TRAPPC2: variants seen among roughly 807,000 people sequenced by gnomAD.
TRAPPC2 encodes the protein sedlin.
A neutral mutation model predicts 10.0 loss-of-function variants in TRAPPC2; 4 were observed. The observed-to-expected ratio is 0.40, with a 90% CI of 0.20 to 0.92. The LOEUF (loss-of-function observed/expected upper bound fraction) is 0.92. TRAPPC2 is among the 40% of genes least tolerant of loss of function. The pLI, the probability that TRAPPC2 is intolerant of heterozygous loss-of-function variation, is 0.35. For missense variants in TRAPPC2, 52 were observed against 108.7 expected (o/e 0.48, Z 2.32); for synonymous variants, 36 against 37.3 (o/e 0.97, Z 0.12).
intron 4 of TRAPPC2, 179 bp downstream of exon 4, chrX:13,716,355 G>C: frequency 1.7e-6 from 1 of 592,627 alleles, no homozygotes; most frequent in Non-Finnish European, 2.6e-6. Flanking sequence ...TTTAAAATTA[G>C]CTATTAAACA....
At chrX:13,729,170 G>A (rs1324701672) in intron 2 of TRAPPC2, among the ~76,000 whole-genome samples, 3 of 111,598 alleles carry the variant, frequency 2.7e-5, no homozygotes, top group South Asian at 7.5e-4. Context: ...TGGCCATACT[G>A]CCCAAGGGTA....
intron 2 of TRAPPC2, among the ~76,000 whole-genome samples, chrX:13,723,599 C>T (rs187431834): frequency 8.9e-6 from 1 of 112,208 alleles, no homozygotes; most frequent in East Asian, 2.8e-4. Flanking sequence ...CCTGCGTTGA[C>T]ATGACTGTGT....
chrX:13,729,300 C>T (rs1451037277), intron 2 of TRAPPC2, among the ~76,000 whole-genome samples: 1 of 111,899 alleles, frequency 8.9e-6, no homozygotes, highest in Non-Finnish European at 1.9e-5. Context: ...AGACAATCCT[C>T]AGCCAAAAGA....
chrX:13,715,825 C>T (rs2046274462), intron 5 of TRAPPC2, 179 bp downstream of exon 5: 4 of 969,482 alleles, frequency 4.1e-6, no homozygotes, highest in South Asian at 6.1e-5. Flanking sequence ...TTCCTAAATA[C>T]ATATTCACCT....
chrX:13,716,489 A>T, intron 4 of TRAPPC2, 45 bp downstream of exon 4: 1 of 1,202,326 alleles, frequency 8.3e-7, no homozygotes, highest in South Asian at 1.8e-5. Context: ...CTGGTTTGTG[A>T]GCCCAAACTT....
At chrX:13,730,749 G>A (rs2046657790) in intron 2 of TRAPPC2, among the ~76,000 whole-genome samples, 1 of 111,297 alleles carries the variant, frequency 9.0e-6, no homozygotes, top group South Asian at 3.8e-4. Flanking sequence ...AAAAAAGGAT[G>A]AGTTCATGTC....
At chrX:13,717,034 TAAAA>T (rs1175025577) in intron 3 of TRAPPC2, among the ~76,000 whole-genome samples, 7,594 of 37,209 alleles carry the variant, frequency 0.2, 159 homozygotes, top group Admixed American at 0.32. Flanking sequence ...GATACTATGT[TAAAA>T]AAAAAAAAAA....
rs374786415 is a variant in TRAPPC2 at position 13,724,355 on chromosome X, A to G, written c.-19-4373T>C. Among the ~76,000 whole-genome samples the G allele has an allele frequency of 2.8e-5, 3 of 107,829 alleles. No homozygotes were observed. The East Asian group carries it at 8.7e-4, about 31-fold the overall frequency. 93.6% of individuals were successfully genotyped at this position (107,829 alleles called of 115,157 possible). On this transcript the variant is annotated intron_variant, in intron 2 of 5. Coordinates refer to ENST00000380579, the MANE Select transcript of TRAPPC2 (RefSeq NM_001011658.4). Reference sequence around the variant, plus strand: ...ACCAGAAATCAGTGAGGCTAGCATCAGAAGGGCAAAGGCCTACAATGAGTT... The same window carrying G: ...ACCAGAAATCAGTGAGGCTAGCATCGGAAGGGCAAAGGCCTACAATGAGTT...
intron 2 of TRAPPC2, among the ~76,000 whole-genome samples, chrX:13,724,618 G>A (rs927560320): frequency 7.2e-5 from 8 of 111,705 alleles, no homozygotes; most frequent in African/African-American, 2.6e-4. Flanking sequence ...TTAAGAAAAC[G>A]TCTAGGGATC....
intron 2 of TRAPPC2, among the ~76,000 whole-genome samples, chrX:13,730,756 T>C (rs1255144583): frequency 9.0e-6 from 1 of 111,325 alleles, no homozygotes; most frequent in Non-Finnish European, 1.9e-5. Flanking sequence ...GATGAGTTCA[T>C]GTCCTTTGTA....
rs187820921 is a variant in TRAPPC2 at position 13,733,595 on chromosome X, G to A, written c.-20+449C>T. Among the ~76,000 whole-genome samples, 502 of 111,765 alleles carry A rather than the reference G, an allele frequency of 4.5e-3. 5 individuals carry two copies. The highest frequency in any genetic ancestry group is 5.9e-3 in the Non-Finnish European group (316 of 53,203). ...ATACTTTAAGTTTTTCACAGCCAGA[G>A]ATCAAAACTCATCGTACTCATCTTC... On this transcript the variant is annotated intron_variant, in intron 2 of 5. Transcript: ENST00000380579.
chrX:13,712,668 G>T lies in TRAPPC2; in HGVS notation c.*1739C>A, dbSNP rs7716. ...ACTGTGGCCTGCAACTGCTCCCAGC[G>T]TCCTATTTTATAAACATGATTTGGG... On this transcript the variant is annotated 3_prime_UTR_variant, in exon 6 of 6. Transcript: ENST00000380579. The T allele has an allele frequency of 9.0e-6, 1 of 110,543 alleles. No individual in the cohort carries two copies. Among genetic ancestry groups the T allele is most frequent in the African/African-American group, 3.3e-5 (1 of 30,400 alleles). The allele number at this position is 110,543 out of a possible 1,213,427, so 9.1% of individuals were successfully genotyped here. A position where few individuals can be genotyped will look rare whatever the true frequency, so the allele number is the denominator to read the frequency against.
At position 13,734,105 on chromosome X, in the gene TRAPPC2, C is replaced by T. The variant is rs1286457868; in HGVS notation, c.-81G>A. On this transcript the variant is annotated 5_prime_UTR_variant, in exon 2 of 6. Transcript: ENST00000380579. ...ACGTTTAGCTCTGTGGATCTCAACC[C>T]GGAGCGATCTTGCTTCCAAGAGGAC... 1.9e-6 allele frequency: 1 copy of T among 513,385 alleles called. No individual in the cohort carries two copies. 42.3% of individuals were successfully genotyped at this position (513,385 alleles called of 1,213,427 possible).
chrX:13,728,711 C>T (rs2046608289), intron 2 of TRAPPC2, among the ~76,000 whole-genome samples: 1 of 112,197 alleles, frequency 8.9e-6, no homozygotes, highest in African/African-American at 3.2e-5. Flanking sequence ...TGCCCTCTCT[C>T]ACCACTCCTA....
At chrX:13,717,430 C>G (rs2046320097) in intron 3 of TRAPPC2, among the ~76,000 whole-genome samples, 1 of 112,176 alleles carries the variant, frequency 8.9e-6, no homozygotes, top group South Asian at 3.6e-4. Context: ...CAGTCTTACT[C>G]CAATGTAGTT....
intron 3 of TRAPPC2, among the ~76,000 whole-genome samples, chrX:13,718,035 G>C (rs981164110): frequency 1.8e-5 from 2 of 112,448 alleles, no homozygotes; most frequent in South Asian, 7.3e-4. Flanking sequence ...CCAGAAGCTG[G>C]GAGAGAGGCC....
chrX:13,715,861 G>T, intron 5 of TRAPPC2, 143 bp downstream of exon 5: 1 of 1,002,551 alleles, frequency 1.0e-6, no homozygotes, highest in South Asian at 2.8e-5. Flanking sequence ...CCTGCGGAGG[G>T]AGTTGCCAGA....
intron 3 of TRAPPC2, among the ~76,000 whole-genome samples, chrX:13,718,635 A>C (rs893017786): frequency 8.9e-6 from 1 of 112,295 alleles, no homozygotes; most frequent in African/African-American, 3.2e-5. Flanking sequence ...ATAATGTCAC[A>C]ACTCCACCTC....
At chrX:13,733,435 C>T (rs558272381) in intron 2 of TRAPPC2, among the ~76,000 whole-genome samples, 1 of 111,938 alleles carries the variant, frequency 8.9e-6, no homozygotes, top group African/African-American at 3.2e-5. Flanking sequence ...CTGGAATGTT[C>T]TCCTTTATTC....
Sources: allele counts gnomAD v4.1 joint callset (sites outside exome capture counted in the v4.1 genomes callset), GRCh38; gene constraint gnomAD v4.1.1; transcripts MANE v1.5; gene names NCBI Gene and HGNC (gene_info 2026-07-23, HGNC 2026-07-21).